Variants in SETX observed in about 807,000 individuals in gnomAD.
SETX encodes the protein senataxin.
Under a neutral mutation model 227.2 loss-of-function variants are expected in SETX, and 90 were observed. The observed-to-expected ratio is 0.40, with a 90% CI of 0.33 to 0.47. SETX has a LOEUF of 0.47. SETX is among the 20% of genes least tolerant of loss of function. The probability of loss-of-function intolerance (pLI) is 0.91; values close to 1 mark genes in which losing one functional copy is unlikely to be tolerated. For synonymous variants in SETX, 1,210 were observed against 1,113.2 expected (o/e 1.09, Z -1.73); for missense variants, 3,052 against 3,181.5 (o/e 0.96, Z 0.98).
chr9:132,342,430 A>G (rs1359888008), intron 5 of SETX, among the ~76,000 whole-genome samples: 1 of 152,208 alleles, frequency 6.6e-6, no homozygotes, highest in Non-Finnish European at 1.5e-5. Context: ...CTTGAGTTCA[A>G]TTCAACATAC....
At chr9:132,268,971 T>C (rs1416063121) in intron 25 of SETX, among the ~76,000 whole-genome samples, 1 of 150,752 alleles carries the variant, frequency 6.6e-6, no homozygotes, top group Non-Finnish European at 1.5e-5. Context: ...TTGGCTCTTC[T>C]TAGATGAAAT....
intron 5 of SETX, among the ~76,000 whole-genome samples, chr9:132,342,252 G>C (rs934848292): frequency 6.6e-6 from 1 of 152,044 alleles, no homozygotes; most frequent in Admixed American, 6.5e-5. Context: ...CACTGTTCTG[G>C]ATTTTGTCCT....
intron 24 of SETX, among the ~76,000 whole-genome samples, chr9:132,270,251 C>G (rs1842838820): frequency 6.6e-6 from 1 of 151,262 alleles, no homozygotes; most frequent in African/African-American, 2.4e-5. Context: ...CCATGTGAGA[C>G]ACAGGTGGAC....
chr9:132,300,504 AATC>A (rs1158826408), intron 12 of SETX, 123 bp downstream of exon 12: 3 of 1,018,908 alleles, frequency 2.9e-6, no homozygotes, highest in Non-Finnish European at 3.1e-6. Context: ...ATGGCCATGT[AATC>A]AACATAGCAA....
At chr9:132,298,465 CAGTAA>C (rs1318051653) in intron 12 of SETX, among the ~76,000 whole-genome samples, 153 bp from the exon 13 acceptor site, 4 of 152,042 alleles carry the variant, frequency 2.6e-5, no homozygotes, top group African/African-American at 9.7e-5. Context: ...TTCCTGAACC[CAGTAA>C]TGTTCTGTCC....
intron 3 of SETX, among the ~76,000 whole-genome samples, chr9:132,347,961 C>A (rs144594929): frequency 1.3e-5 from 2 of 151,948 alleles, no homozygotes; most frequent in East Asian, 3.9e-4. Context: ...AGAATTATAT[C>A]TTTCACTTTT....
intron 10 of SETX, among the ~76,000 whole-genome samples, chr9:132,317,009 A>T (rs1846009849): frequency 6.6e-6 from 1 of 152,262 alleles, no homozygotes; most frequent in Non-Finnish European, 1.5e-5. Context: ...CATCAAATTT[A>T]TAAATGAATT....
chr9:132,277,860 G>T (rs1432400860), intron 21 of SETX, among the ~76,000 whole-genome samples: 12 of 150,890 alleles, frequency 8.0e-5, no homozygotes, highest in Admixed American at 7.9e-4. Context: ...GATTATTTCT[G>T]GGTAGTATAA....
chr9:132,262,806 T>C lies in SETX; in HGVS notation c.*1433A>G, dbSNP rs886063550. On this transcript the variant is annotated 3_prime_UTR_variant, in exon 26 of 26. Transcript: ENST00000224140. ...AGCAGATGACAAAGGAAATGTCAAATAATGCACATGAATCTTCAGCTATTT... is the reference window on the plus strand; with the variant it reads ...AGCAGATGACAAAGGAAATGTCAAACAATGCACATGAATCTTCAGCTATTT... 1 of 152,446 alleles carries C rather than the reference T, an allele frequency of 6.6e-6. No homozygotes were observed. Among genetic ancestry groups the C allele is most frequent in the Admixed American group, 6.5e-5 (1 of 15,290 alleles). 9.4% of individuals were successfully genotyped at this position (152,446 alleles called of 1,614,324 possible). A position where few individuals can be genotyped will look rare whatever the true frequency, so the allele number is the denominator to read the frequency against.
chr9:132,265,646 A>C (rs910247526), intron 25 of SETX, among the ~76,000 whole-genome samples: 2 of 152,206 alleles, frequency 1.3e-5, no homozygotes, highest in African/African-American at 4.8e-5. Context: ...CCTAAATTGC[A>C]TCAGCCACAT....
At chr9:132,270,671 G>A (rs1396653968) in intron 24 of SETX, among the ~76,000 whole-genome samples, 1 of 152,164 alleles carries the variant, frequency 6.6e-6, no homozygotes, top group Non-Finnish European at 1.5e-5. Context: ...GTGCAATCTT[G>A]AAGCCTTGAA....
intron 11 of SETX, among the ~76,000 whole-genome samples, chr9:132,301,211 G>A (rs918850480): frequency 6.0e-5 from 9 of 150,236 alleles, no homozygotes; most frequent in Non-Finnish European, 1.3e-4. Flanking sequence ...TCCTGCCTTA[G>A]CCTCCCAAAT....
Position 132,275,242 on chromosome 9 carries a change from T to C in SETX, c.7100+14A>G, listed in dbSNP as rs766222661. 3.3e-5 allele frequency: 53 copies of C among 1,612,834 alleles called. No homozygotes were observed. Among genetic ancestry groups the C allele is most frequent in the Non-Finnish European group, 1.2e-5 (14 of 1,179,124 alleles). ...TCAACAAGAAAATTGGAAATATTTA[T>C]AAAAATGCCTCACCCTTTTCTATCG... is the stretch of plus-strand genomic sequence containing the variant. On this transcript the variant is annotated intron_variant, in intron 23 of 25. Coordinates refer to ENST00000224140, the MANE Select transcript of SETX (RefSeq NM_015046.7).
At chr9:132,348,369 A>C (rs1163074353) in intron 3 of SETX, among the ~76,000 whole-genome samples, 1,191 of 54,206 alleles carry the variant, frequency 0.022, 36 homozygotes, top group African/African-American at 0.074. Context: ...TCTCAAAAAA[A>C]AAACAAAACA....
rs1372505201 is a variant in SETX at position 132,327,910 on chromosome 9, T to A, written c.3688A>T (p.Thr1230Ser). Residue 1230 changes from threonine (T) to serine (S), a missense_variant, in exon 10 of 26, where the codon ACA (threonine) becomes TCA (serine). By Grantham distance (58) the Thr-to-Ser change is moderately conservative. Around this residue, in one of 10 missense-constraint regions of SETX, gnomAD observed 1,483 missense variants for 1,312.0 expected, o/e 1.13. Transcript: ENST00000224140. ...QKKSSKLCTCTEPIRKVPVSK... is the reference protein window; with the variant it reads ...QKKSSKLCTCSEPIRKVPVSK... ...ACTGGAACTTTCCTGATGGGTTCTG[T>A]ACAAGTACAAAGCTTTGAAGACTTC... is the stretch of plus-strand genomic sequence containing the variant. 1 of 1,614,210 alleles carries A rather than the reference T, an allele frequency of 6.2e-7. No homozygotes were observed. The highest frequency in any genetic ancestry group is 1.7e-5 in the Admixed American group (1 of 60,020).
Position 132,298,068 on chromosome 9 carries a change from A to AG in SETX, c.5781+11_5781+12insC. ...AACATGAAATTATCTAGTATCATACATCATCACTCACAATTCTCTCAGATG... is the reference window on the plus strand; with the variant it reads ...AACATGAAATTATCTAGTATCATACAGTCATCACTCACAATTCTCTCAGATG... On this transcript the variant is annotated intron_variant, in intron 13 of 25. Transcript: ENST00000224140. 6.5e-7 allele frequency: 1 copy of AG among 1,527,332 alleles called. No individual in the cohort carries two copies. Among genetic ancestry groups the AG allele is most frequent in the East Asian group, 2.5e-5 (1 of 40,164 alleles). The allele number at this position is 1,527,332 out of a possible 1,614,324, so 94.6% of individuals were successfully genotyped here.
At chr9:132,335,296 C>A (rs1413887120) in intron 6 of SETX, among the ~76,000 whole-genome samples, 4 of 139,484 alleles carry the variant, frequency 2.9e-5, no homozygotes, top group Non-Finnish European at 4.5e-5. Flanking sequence ...GAGGCTGAGG[C>A]AGGAGAATGG....
intron 23 of SETX, among the ~76,000 whole-genome samples, chr9:132,273,744 A>G (rs1007511181): frequency 3.3e-5 from 5 of 152,114 alleles, no homozygotes; most frequent in African/African-American, 1.2e-4. Flanking sequence ...CCACCTATGA[A>G]GAGAGAGTTT....
Position 132,326,942 on chromosome 9 carries a change from T to C in SETX, c.4656A>G (p.Lys1552=). The C allele has an allele frequency of 1.2e-6, 2 of 1,614,236 alleles. No individual in the cohort carries two copies. Among genetic ancestry groups the C allele is most frequent in the Non-Finnish European group, 1.7e-6 (2 of 1,180,042 alleles). Residue 1552 remains lysine (K), a synonymous_variant, in exon 10 of 26, where the codon AAA becomes AAG. Transcript: ENST00000224140. The part of the protein sequence containing the change: ...ESLSGTKCKY[K]DCLETTKNQG... Reference sequence around the variant, plus strand: ...GGTTTTTTGTGGTTTCAAGACAATCTTTGTACTTACACTTTGTGCCACTCA... The same window carrying C: ...GGTTTTTTGTGGTTTCAAGACAATCCTTGTACTTACACTTTGTGCCACTCA...
Sources: gnomAD v4.1 joint callset for allele counts (sites outside exome capture counted in the v4.1 genomes callset) on GRCh38, gnomAD v4.1.1 for gene constraint, gnomAD v4.1.1 regional missense constraint, MANE v1.5 for transcripts, NCBI Gene and HGNC (gene_info 2026-07-23, HGNC 2026-07-21) for gene names.